INPP5D: variants seen among roughly 807,000 people sequenced by gnomAD.
INPP5D encodes phosphatidylinositol 3,4,5-trisphosphate 5-phosphatase 1.
In INPP5D, 33 loss-of-function variants were observed where a neutral mutation model predicts 122.9. That is an observed-to-expected ratio of 0.27 (90% CI 0.20 to 0.36). The LOEUF is 0.36. INPP5D is among the 10% of genes least tolerant of loss of function. The probability of loss-of-function intolerance (pLI) is 1.00; values close to 1 mark genes in which losing one functional copy is unlikely to be tolerated. For synonymous variants in INPP5D, 584 were observed against 576.2 expected (o/e 1.01, Z -0.19); for missense variants, 1,053 against 1,412.7 (o/e 0.75, Z 4.08).
At position 233,188,020 on chromosome 2, in the gene INPP5D, C is replaced by T. The variant is rs534362520; in HGVS notation, c.2359-1830C>T. On this transcript the variant is annotated intron_variant, in intron 21 of 26. Coordinates refer to ENST00000445964, the MANE Select transcript of INPP5D (RefSeq NM_001017915.3). This position sits in a 1 kb window ranked among gnomAD's most constrained non-coding sequence, Gnocchi z 4.7. ...CCTGCTGTTCCTCTTGCCTCTGTCC[C>T]CTCCCTCAGTCCCCCTGCCCCCTCC... Among the ~76,000 whole-genome samples the T allele has an allele frequency of 6.3e-4, 96 of 152,168 alleles. No individual in the cohort carries two copies. The highest frequency in any genetic ancestry group is 2.2e-3 in the African/African-American group (93 of 41,508).
At chr2:233,124,788 C>G (rs189532204) in intron 3 of INPP5D, among the ~76,000 whole-genome samples, 2 of 152,378 alleles carry the variant, frequency 1.3e-5, no homozygotes, top group Admixed American at 1.3e-4. Flanking sequence ...AAAAGAACCT[C>G]AGTCTCATGA....
intron 2 of INPP5D, among the ~76,000 whole-genome samples, chr2:233,089,165 G>C (rs1033502285): frequency 6.6e-6 from 1 of 152,152 alleles, no homozygotes; most frequent in African/African-American, 2.4e-5. Context: ...GGTGACAAGA[G>C]AGAGCCTTGA....
intron 13 of INPP5D, 69 bp from the exon 14 acceptor site, chr2:233,169,236 G>C (rs533892580): frequency 6.5e-7 from 1 of 1,547,028 alleles, no homozygotes; most frequent in East Asian, 2.4e-5. Flanking sequence ...CTGCCTTCGG[G>C]TGATTTCTGG....
At chr2:233,111,132 C>T (rs1429959494) in intron 2 of INPP5D, among the ~76,000 whole-genome samples, 2 of 152,128 alleles carry the variant, frequency 1.3e-5, no homozygotes, top group African/African-American at 4.8e-5. Context: ...AAGTAAGTTG[C>T]TGACAATGCC....
intron 1 of INPP5D, among the ~76,000 whole-genome samples, chr2:233,077,035 A>T (rs1279009379): frequency 6.6e-6 from 1 of 152,252 alleles, no homozygotes; most frequent in Non-Finnish European, 1.5e-5. Context: ...ACAATCACTA[A>T]TAAACGTCAA....
rs565703132 is a variant in INPP5D, at chr2:233,122,305, C to A, written c.349+48C>A. ...GCAGGAGGTACTTTTGGGAACTTGC[C>A]CTGCACCCACCTTGAGTGCTTGTAG... On this transcript the variant is annotated intron_variant, in intron 3 of 26. Transcript: ENST00000445964. The A allele has an allele frequency of 7.5e-4, 1,184 of 1,579,942 alleles. 9 individuals carry two copies. The African/African-American group carries it at 0.015, about 19-fold the overall frequency.
intron 8 of INPP5D, 29 bp downstream of exon 8, chr2:233,146,467 G>T: frequency 1.4e-6 from 1 of 703,382 alleles, no homozygotes; most frequent in African/African-American, 1.7e-5. Context: ...GCAGAGCCTG[G>T]GCTTGGGCTC....
chr2:233,103,598 G>C (rs925755175), intron 2 of INPP5D, among the ~76,000 whole-genome samples: 3 of 152,054 alleles, frequency 2.0e-5, no homozygotes, highest in South Asian at 4.1e-4. Context: ...TTCAAGTCCT[G>C]CCTCTGCCAC....
rs1694668053 is a variant in INPP5D, at chr2:233,177,405, G to A, written c.2071+59G>A. 6.2e-7 allele frequency: 1 copy of A among 1,611,698 alleles called. No homozygotes were observed. The highest frequency in any genetic ancestry group is 1.3e-5 in the African/African-American group (1 of 74,814). On this transcript the variant is annotated intron_variant, in intron 18 of 26. Coordinates refer to ENST00000445964, the MANE Select transcript of INPP5D (RefSeq NM_001017915.3). This position sits in a 1 kb window ranked among gnomAD's most constrained non-coding sequence, Gnocchi z 4.2. ...TCAGAGAATGGCACCAAGCTGGGAG[G>A]TGTGACTGCCCTAAAATCTAAGGGC...
intron 2 of INPP5D, among the ~76,000 whole-genome samples, chr2:233,113,304 C>T (rs1182554953): frequency 1.3e-5 from 2 of 152,122 alleles, no homozygotes; most frequent in African/African-American, 4.8e-5. Flanking sequence ...TGCAACCTGA[C>T]CACCTCCCTG....
At chr2:233,095,926 C>T (rs561873655) in intron 2 of INPP5D, among the ~76,000 whole-genome samples, 17 of 152,136 alleles carry the variant, frequency 1.1e-4, no homozygotes, top group East Asian at 1.9e-4. Flanking sequence ...AGGATAATAC[C>T]GTATACACTG....
At position 233,161,565 on chromosome 2, in the gene INPP5D, C is replaced by T. The variant is rs74910961; in HGVS notation, c.1138-159C>T. Among the ~76,000 whole-genome samples the T allele has an allele frequency of 8.2e-3, 1,250 of 152,292 alleles. 18 individuals carry two copies. Among genetic ancestry groups the T allele is most frequent in the African/African-American group, 0.029 (1,195 of 41,554 alleles). ...GGGAGTGTCTAGGCCAGAAGCCACTCGCTTATGACTTTGGACACATGTTTC... is the reference window on the plus strand; with the variant it reads ...GGGAGTGTCTAGGCCAGAAGCCACTTGCTTATGACTTTGGACACATGTTTC... On this transcript the variant is annotated intron_variant, in intron 10 of 26. Coordinates refer to ENST00000445964, the MANE Select transcript of INPP5D (RefSeq NM_001017915.3).
chr2:233,202,289 C>T (rs901215282), intron 25 of INPP5D, among the ~76,000 whole-genome samples: 2 of 152,224 alleles, frequency 1.3e-5, no homozygotes, highest in African/African-American at 2.4e-5. Context: ...CTCACAGCAA[C>T]GGCCTTTGAG....
chr2:233,144,305 G>A (rs1185066440), intron 6 of INPP5D, among the ~76,000 whole-genome samples: 1 of 149,146 alleles, frequency 6.7e-6, no homozygotes, highest in East Asian at 2.0e-4. Flanking sequence ...GATGATGATA[G>A]TGGAGGTCGT....
intron 1 of INPP5D, chr2:233,076,315 T>C (rs1691519634): frequency 6.6e-6 from 1 of 152,234 alleles, no homozygotes; most frequent in African/African-American, 2.4e-5. Flanking sequence ...GGCCAGTGGT[T>C]CTCTGTGTCC....
rs139157386 is a variant in INPP5D at position 233,060,598 on chromosome 2, C to T, written c.120C>T (p.Tyr40=). 1,238 of 1,613,982 alleles carry T rather than the reference C, an allele frequency of 7.7e-4. 15 individuals carry two copies. In the African/African-American group the frequency reaches 0.015, roughly 19 times the overall value. Residue 40 remains tyrosine, a synonymous_variant, in exon 1 of 27, where the codon TAC becomes TAT. Coordinates refer to ENST00000445964, the MANE Select transcript of INPP5D (RefSeq NM_001017915.3). ...VRASESISRA[Y]ALCVLYRNCV... ...CCAGCGAGTCCATCTCCCGGGCATA[C>T]GCGCTCTGCGTGCTGTGAGTACAAC...
Position 233,106,130 on chromosome 2 carries a change from C to G in INPP5D, c.199-15977C>G, listed in dbSNP as rs111749074. ...CCGGGGGAAAGTTTATTTTTCCCAC[C>G]ACACTTGTATCTGTCAGTGTTTGCT... On this transcript the variant is annotated intron_variant, in intron 2 of 26. Coordinates refer to ENST00000445964, the MANE Select transcript of INPP5D (RefSeq NM_001017915.3). Among the ~76,000 whole-genome samples the G allele has an allele frequency of 4.8e-3, 730 of 152,262 alleles. 7 individuals are homozygous for G. The highest frequency in any genetic ancestry group is 0.017 in the African/African-American group (696 of 41,532).
chr2:233,097,937 A>C (rs966112028), intron 2 of INPP5D, among the ~76,000 whole-genome samples: 3 of 150,110 alleles, frequency 2.0e-5, no homozygotes, highest in African/African-American at 7.4e-5. Context: ...CCTAGGCTGG[A>C]GTGCAGTGGC....
chr2:233,133,053 C>T (rs1693374393), intron 5 of INPP5D, among the ~76,000 whole-genome samples: 1 of 151,876 alleles, frequency 6.6e-6, no homozygotes, highest in South Asian at 2.1e-4. Flanking sequence ...CCCCCGAGTC[C>T]AATGGAGAAG....
Sources: allele counts gnomAD v4.1 joint callset (sites outside exome capture counted in the v4.1 genomes callset), GRCh38; gene constraint gnomAD v4.1.1; non-coding constraint Gnocchi (gnomAD v3.1); transcripts MANE v1.5; gene names NCBI Gene and HGNC (gene_info 2026-07-23, HGNC 2026-07-21).